Variants in IL1RAPL1 observed in about 807,000 individuals in gnomAD.
The protein encoded by IL1RAPL1 is interleukin-1 receptor accessory protein-like 1.
In IL1RAPL1, 3 loss-of-function variants were observed where a neutral mutation model predicts 48.4. The ratio of observed to expected loss-of-function variants is 0.06; its 90% CI spans 0.03 to 0.16. IL1RAPL1 has a LOEUF of 0.16. IL1RAPL1 is among the 10% of genes least tolerant of loss of function. The pLI, the probability that IL1RAPL1 is intolerant of heterozygous loss-of-function variation, is 1.00. For missense variants in IL1RAPL1, 349 were observed against 530.6 expected (o/e 0.66, Z 3.36); for synonymous variants, 185 against 187.7 (o/e 0.99, Z 0.12).
Position 28,932,028 on chromosome X carries a change from C to T in IL1RAPL1, c.82+142603C>T, listed in dbSNP as rs745334796. Among the ~76,000 whole-genome samples the T allele has an allele frequency of 3.0e-3, 313 of 105,826 alleles. 3 individuals are homozygous for T. Among genetic ancestry groups the T allele is most frequent in the African/African-American group, 0.01 (291 of 28,836 alleles). 91.9% of individuals were successfully genotyped at this position (105,826 alleles called of 115,157 possible). ...CTGCACTCCAGTCTGGGTGACAGAG[C>T]GAGACTCCATCTCAAAAAAAAAATA... On this transcript the variant is annotated intron_variant, in intron 2 of 10. Transcript: ENST00000378993.
At chrX:29,143,544 A>G (rs1035117339) in intron 2 of IL1RAPL1, among the ~76,000 whole-genome samples, 2 of 111,627 alleles carry the variant, frequency 1.8e-5, no homozygotes, top group Non-Finnish European at 3.8e-5. Flanking sequence ...TGTCCTGTCC[A>G]GGACATGAAT....
intron 5 of IL1RAPL1, among the ~76,000 whole-genome samples, chrX:29,555,214 C>A (rs1921952913): frequency 8.9e-6 from 1 of 112,711 alleles, no homozygotes; most frequent in Admixed American, 9.4e-5. Context: ...CATATGCCTG[C>A]ATTTATAAAT....
At chrX:29,605,120 ACAC>A (rs1569125202) in intron 5 of IL1RAPL1, among the ~76,000 whole-genome samples, 49 of 93,172 alleles carry the variant, frequency 5.3e-4, no homozygotes, top group African/African-American at 1.8e-3. Context: ...ACACACACAC[ACAC>A]ACACGGAGGG....
rs574965038 is a variant in IL1RAPL1 at position 28,772,726 on chromosome X, C to T, written c.-24-16594C>T. ...CCAAGTTAGCTTTCAATTAGCATGA[C>T]GTTATATTGGCAGGTCTAAACTGTT... On this transcript the variant is annotated intron_variant, in intron 1 of 10. Coordinates refer to ENST00000378993, the MANE Select transcript of IL1RAPL1 (RefSeq NM_014271.4). Among the ~76,000 whole-genome samples, 6 of 111,979 alleles carry T rather than the reference C, an allele frequency of 5.4e-5. No individual in the cohort carries two copies. In the South Asian group the frequency reaches 2.3e-3, roughly 42 times the overall value.
intron 2 of IL1RAPL1, among the ~76,000 whole-genome samples, chrX:28,944,639 A>T (rs1284522430): frequency 9.0e-6 from 1 of 111,037 alleles, no homozygotes; most frequent in Non-Finnish European, 1.9e-5. Context: ...AAAATATCCG[A>T]CATGAAAAAA....
chrX:28,973,196 A>G (rs1282886207), intron 2 of IL1RAPL1, among the ~76,000 whole-genome samples: 1 of 111,812 alleles, frequency 8.9e-6, no homozygotes, highest in Non-Finnish European at 1.9e-5. Context: ...AGTCACCATG[A>G]CTGCTTGAAA....
At chrX:29,248,342 G>A (rs1931551819) in intron 2 of IL1RAPL1, among the ~76,000 whole-genome samples, 1 of 111,762 alleles carries the variant, frequency 8.9e-6, no homozygotes, top group Admixed American at 9.5e-5. Flanking sequence ...GCTTGAACGT[G>A]GGAGGCGGAG....
intron 1 of IL1RAPL1, among the ~76,000 whole-genome samples, chrX:28,613,549 A>G (rs1472405771): frequency 2.7e-5 from 3 of 112,842 alleles, no homozygotes; most frequent in Admixed American, 1.9e-4. Context: ...CATGTTGAAA[A>G]GCAGTGGTTT....
At chrX:29,729,361 T>A (rs1000377875) in intron 6 of IL1RAPL1, among the ~76,000 whole-genome samples, 6 of 111,558 alleles carry the variant, frequency 5.4e-5, no homozygotes, top group African/African-American at 2.0e-4. Context: ...TCCACCAGAC[T>A]GTTCTGTAAA....
intron 2 of IL1RAPL1, among the ~76,000 whole-genome samples, chrX:28,796,704 T>C (rs1936615880): frequency 1.8e-5 from 2 of 111,165 alleles, no homozygotes; most frequent in South Asian, 7.8e-4. Flanking sequence ...CACGGGCTAG[T>C]GTTGAGTGTC....
intron 2 of IL1RAPL1, among the ~76,000 whole-genome samples, chrX:28,920,591 A>T (rs1278149047): frequency 8.9e-6 from 1 of 111,859 alleles, no homozygotes; most frequent in African/African-American, 3.3e-5. Flanking sequence ...CCAGGCTAAG[A>T]TTCACTCACC....
chrX:29,240,889 G>A (rs1931410907), intron 2 of IL1RAPL1, among the ~76,000 whole-genome samples: 1 of 112,058 alleles, frequency 8.9e-6, no homozygotes, highest in South Asian at 3.7e-4. Flanking sequence ...AATTGCTAAC[G>A]TCTCCAAACA....
rs1278686423 is a variant in IL1RAPL1, at chrX:28,972,582, C to CA, written c.82+183164dup. Among the ~76,000 whole-genome samples the CA allele has an allele frequency of 5.5e-5, 6 of 109,782 alleles. No individual in the cohort carries two copies. The East Asian group carries it at 8.7e-4, about 16-fold the overall frequency. On this transcript the variant is annotated intron_variant, in intron 2 of 10. Coordinates refer to ENST00000378993, the MANE Select transcript of IL1RAPL1 (RefSeq NM_014271.4). The stretch of plus-strand genomic sequence containing the variant: ...TGAAACCCCGTCTCCACTAAAAATA[C>CA]AAAAAAATTAGCCGGGCGTGGTGGC...
At chrX:29,605,071 AACACACACACACACACAC>A (rs757087732) in intron 5 of IL1RAPL1, among the ~76,000 whole-genome samples, 29 of 65,061 alleles carry the variant, frequency 4.5e-4, no homozygotes, top group Middle Eastern at 7.9e-3. Flanking sequence ...CTAAGTCTTA[AACACACACACACACACAC>A]ACACACACAC....
intron 2 of IL1RAPL1, among the ~76,000 whole-genome samples, chrX:29,115,311 G>T (rs1928656690): frequency 9.0e-6 from 1 of 111,391 alleles, no homozygotes; most frequent in South Asian, 3.7e-4. Flanking sequence ...ATTAAATCAG[G>T]CTTGTTGATT....
At chrX:29,369,244 G>C (rs779659145) in intron 3 of IL1RAPL1, 1 of 110,348 alleles carries the variant, frequency 9.1e-6, no homozygotes, top group South Asian at 3.9e-4. Context: ...AGCAGCAGCA[G>C]CTGCTGCTGG....
chrX:29,004,889 G>A (rs755220754), intron 2 of IL1RAPL1, among the ~76,000 whole-genome samples: 2 of 111,573 alleles, frequency 1.8e-5, no homozygotes, highest in Non-Finnish European at 3.8e-5. Flanking sequence ...AAATCCTGTG[G>A]TGGCCACTCC....
intron 1 of IL1RAPL1, among the ~76,000 whole-genome samples, chrX:28,757,959 T>A: frequency 8.9e-6 from 1 of 112,382 alleles, no homozygotes; most frequent in African/African-American, 3.2e-5. Context: ...GACGATAAGG[T>A]GAAAGCATGT....
chrX:28,633,943 A>C (rs1934429515), intron 1 of IL1RAPL1, among the ~76,000 whole-genome samples: 1 of 111,930 alleles, frequency 8.9e-6, no homozygotes, highest in Non-Finnish European at 1.9e-5. Flanking sequence ...CTGATAAAAA[A>C]GTTCCCAACA....
Sources: allele counts gnomAD v4.1 joint callset (sites outside exome capture counted in the v4.1 genomes callset), GRCh38; gene constraint gnomAD v4.1.1; transcripts MANE v1.5; gene names NCBI Gene and HGNC (gene_info 2026-07-23, HGNC 2026-07-21).